Variants in CHD9 observed in about 807,000 individuals in gnomAD.
The protein encoded by CHD9 is ATP-dependent chromatin remodeler CHD9.
Under a neutral mutation model 316.1 loss-of-function variants are expected in CHD9, and 77 were observed. The ratio of observed to expected loss-of-function variants is 0.24; its 90% CI spans 0.20 to 0.29. CHD9 has a LOEUF of 0.29. Ranked by LOEUF, CHD9 falls within the 10% of genes least tolerant of loss-of-function variation. The pLI is 1.00. For synonymous variants in CHD9, 1,129 were observed against 1,158.3 expected, an observed-to-expected ratio of 0.97 and a Z score of 0.51; for missense variants, 2,763 against 3,438.1, an observed-to-expected ratio of 0.80 and a Z score of 4.91.
At chr16:53,256,739 C>T (rs2050643957) in intron 19 of CHD9, among the ~76,000 whole-genome samples, 1 of 151,484 alleles carries the variant, frequency 6.6e-6, no homozygotes, top group Non-Finnish European at 1.5e-5. Flanking sequence ...CTCACCTGCA[C>T]TAATTGCAGA....
At position 53,304,095 on chromosome 16, in the gene CHD9, C is replaced by A; in HGVS notation, c.6089C>A (p.Ser2030Tyr). ...QVALSASPLT[S>Y]LPRLLDAKGI... ...GCACTTTCTGCTTCTCCTCTTACCT[C>A]TCTACCTAGGCTCCTAGATGCTAAA... is the stretch of plus-strand genomic sequence containing the variant. The change falls in exon 31 of 39, where the codon TCT becomes TAT. Residue 2030 changes from serine to tyrosine, a missense_variant. Around this residue, in one of 15 missense-constraint regions of CHD9, gnomAD observed 663 missense variants for 751.2 expected, o/e 0.88. Coordinates refer to ENST00000447540, the MANE Select transcript of CHD9 (RefSeq NM_001308319.2). 1 of 1,613,996 alleles carries A rather than the reference C, an allele frequency of 6.2e-7. No individual in the cohort carries two copies. Among genetic ancestry groups the A allele is most frequent in the Non-Finnish European group, 8.5e-7 (1 of 1,179,878 alleles).
intron 1 of CHD9, among the ~76,000 whole-genome samples, chr16:53,066,268 CCTGGGG>C (rs2033498735): frequency 3.3e-5 from 5 of 152,048 alleles, no homozygotes; most frequent in African/African-American, 1.2e-4. Context: ...ATGACTGGGG[CCTGGGG>C]TACAAAGGAA....
chr16:53,191,099 T>C (rs1268265899), intron 2 of CHD9, among the ~76,000 whole-genome samples: 6 of 152,134 alleles, frequency 3.9e-5, no homozygotes, highest in Non-Finnish European at 8.8e-5. Context: ...TTGCAGGTAG[T>C]CTTCCTCCCA....
At chr16:53,208,409 ATTGAATAACC>A in intron 2 of CHD9, 1 of 1,262,014 alleles carries the variant, frequency 7.9e-7, no homozygotes, top group Middle Eastern at 2.2e-4. Flanking sequence ...GGCTAATGGG[ATTGAATAACC>A]TTCCTTATTA....
chr16:53,278,924 C>G lies in CHD9; in HGVS notation c.4967+4622C>G, dbSNP rs1393797457. 5.3e-4 allele frequency among the ~76,000 whole-genome samples: 80 copies of G among 151,728 alleles called. 1 individual carries two copies. Among genetic ancestry groups the G allele is most frequent in the Admixed American group, 1.4e-3 (22 of 15,180 alleles). On this transcript the variant is annotated intron_variant, in intron 24 of 38. Transcript: ENST00000447540. ...ACACTGTTGGTGGGACTGTAAACTA[C>G]TTCAACCATTGTGGAAGACAGTGTG...
chr16:53,076,566 A>G (rs2034545355), intron 1 of CHD9, among the ~76,000 whole-genome samples: 3 of 151,454 alleles, frequency 2.0e-5, no homozygotes, highest in South Asian at 2.1e-4. Flanking sequence ...CAAGAGTGAA[A>G]CTCCATGTCA....
At chr16:53,232,191 C>T (rs763431002) in intron 10 of CHD9, among the ~76,000 whole-genome samples, 1 of 152,142 alleles carries the variant, frequency 6.6e-6, no homozygotes, top group Non-Finnish European at 1.5e-5. Flanking sequence ...TTCCTTTTAC[C>T]TTCTAAATGC....
intron 24 of CHD9, among the ~76,000 whole-genome samples, chr16:53,277,105 G>A (rs2052917752): frequency 6.6e-6 from 1 of 151,962 alleles, no homozygotes; most frequent in African/African-American, 2.4e-5. Context: ...AGATTGAAAT[G>A]GTAATAAAAA....
rs776086315 is a variant in CHD9, at chr16:53,291,765, G to A, written c.5288G>A (p.Gly1763Glu). 1 of 1,552,140 alleles carries A rather than the reference G, an allele frequency of 6.4e-7. No homozygotes were observed. The highest frequency in any genetic ancestry group is 1.2e-5 in the South Asian group (1 of 81,050). ...CCAGGAGATCTTGTTATAGCAGATG[G>A]AGGTAAATTGCACGTACTTCTGTAC... ...SSPGDLVIAD[G>E]DGQLMEGDKV... Residue 1763 changes from glycine (G) to glutamate (E), a missense_variant and splice_region_variant, in exon 28 of 39, where the codon GGA (glycine) becomes GAA (glutamate). Physicochemically the swap from Gly to Glu is moderately conservative, Grantham distance 98 (BLOSUM62 -2). Transcript: ENST00000447540.
At chr16:53,302,145 TA>T (rs2055501806) in intron 30 of CHD9, among the ~76,000 whole-genome samples, 1 of 152,242 alleles carries the variant, frequency 6.6e-6, no homozygotes, top group African/African-American at 2.4e-5. Flanking sequence ...AGCCATTAAC[TA>T]AACTAAATAC....
At chr16:53,204,044 A>T (rs1420777348) in intron 2 of CHD9, among the ~76,000 whole-genome samples, 18 of 103,620 alleles carry the variant, frequency 1.7e-4, no homozygotes, top group South Asian at 8.1e-4. Context: ...AAAAAAAAAA[A>T]AAAAATATAT....
intron 2 of CHD9, among the ~76,000 whole-genome samples, chr16:53,192,703 T>C (rs573698345): frequency 6.6e-6 from 1 of 152,352 alleles, no homozygotes; most frequent in South Asian, 2.1e-4. Context: ...TTTGCAATTC[T>C]GCATTTTTGA....
Position 53,156,848 on chromosome 16 carries a change from T to C in CHD9, c.759T>C (p.Asn253=), listed in dbSNP as rs2041554394. 6.2e-7 allele frequency: 1 copy of C among 1,613,798 alleles called. No homozygotes were observed. Among genetic ancestry groups the C allele is most frequent in the South Asian group, 1.1e-5 (1 of 91,070 alleles). ...KCSSHQEGNF[N]GPSPNMTSCS... The stretch of plus-strand genomic sequence containing the variant: ...GCAGTCATCAAGAAGGAAATTTTAA[T>C]GGACCTTCCCCAAATATGACTTCTT... The change falls in exon 2 of 39, where the codon AAT becomes AAC. Residue 253 remains asparagine, a synonymous_variant. Transcript: ENST00000447540.
At chr16:53,086,022 G>A (rs2035430188) in intron 1 of CHD9, among the ~76,000 whole-genome samples, 1 of 152,150 alleles carries the variant, frequency 6.6e-6, no homozygotes, top group African/African-American at 2.4e-5. Context: ...GAGAGCTTTG[G>A]GGAGTTTATA....
At chr16:53,235,135 AT>A in intron 10 of CHD9, 49 bp from the exon 11 acceptor site, 1 of 1,493,252 alleles carries the variant, frequency 6.7e-7, no homozygotes, top group Non-Finnish European at 9.0e-7. Context: ...TGCCTTCAGT[AT>A]GATATATGGA....
chr16:53,237,586 T>C (rs2048739579), intron 11 of CHD9, among the ~76,000 whole-genome samples: 1 of 151,968 alleles, frequency 6.6e-6, no homozygotes, highest in African/African-American at 2.4e-5. Context: ...TCTTTACACT[T>C]CTGCTCATTC....
intron 3 of CHD9, among the ~76,000 whole-genome samples, chr16:53,213,988 T>C (rs533533945): frequency 6.6e-6 from 1 of 152,296 alleles, no homozygotes; most frequent in South Asian, 2.1e-4. Context: ...AAACAGAACA[T>C]GTCTAAATTT....
Position 53,327,053 on chromosome 16 carries a change from A to G in CHD9, c.*2158A>G, listed in dbSNP as rs772786390. On this transcript the variant is annotated 3_prime_UTR_variant, in exon 39 of 39. Coordinates refer to ENST00000447540, the MANE Select transcript of CHD9 (RefSeq NM_001308319.2). ...AAAGCATTAAGTCTAACATAACTTT[A>G]AACATTCTCTTAGGTTTCAAGACAC... The G allele has an allele frequency of 6.6e-6, 1 of 152,534 alleles. No homozygotes were observed. Among genetic ancestry groups the G allele is most frequent in the Non-Finnish European group, 1.5e-5 (1 of 67,954 alleles). 9.4% of individuals were successfully genotyped at this position (152,534 alleles called of 1,614,324 possible).
chr16:53,146,086 G>T (rs192810086), intron 1 of CHD9, among the ~76,000 whole-genome samples: 1 of 151,430 alleles, frequency 6.6e-6, no homozygotes, highest in East Asian at 2.0e-4. Context: ...TGGGTAATGG[G>T]TATGGAGTTA....
Sources: allele counts gnomAD v4.1 joint callset (sites outside exome capture counted in the v4.1 genomes callset), GRCh38; gene constraint gnomAD v4.1.1; regional missense constraint gnomAD v4.1.1; transcripts MANE v1.5; gene names NCBI Gene and HGNC (gene_info 2026-07-23, HGNC 2026-07-21).